NBDY: variants seen among roughly 807,000 people sequenced by gnomAD.
NBDY encodes negative regulator of P-body association, also known as P-body dissociating protein.
At chrX:56,800,970 C>T (rs959760063) in intron 2 of NBDY, among the ~76,000 whole-genome samples, 6 of 111,190 alleles carry the variant, frequency 5.4e-5, no homozygotes, top group African/African-American at 1.3e-4. Flanking sequence ...CACCCATTTC[C>T]GGGGTACTTC....
intron 2 of NBDY, among the ~76,000 whole-genome samples, chrX:56,743,505 T>C (rs1427286974): frequency 9.0e-6 from 1 of 111,122 alleles, no homozygotes; most frequent in African/African-American, 3.3e-5. Context: ...GGTTCAGTCT[T>C]GATATGTCAT....
At chrX:56,761,734 G>C (rs2069638092) in intron 2 of NBDY, among the ~76,000 whole-genome samples, 1 of 112,836 alleles carries the variant, frequency 8.9e-6, no homozygotes, top group African/African-American at 3.2e-5. Context: ...ACATATTTAG[G>C]GAGAACACGC....
intron 2 of NBDY, among the ~76,000 whole-genome samples, chrX:56,805,896 G>A (rs943212319): frequency 4.5e-5 from 5 of 110,816 alleles, no homozygotes; most frequent in African/African-American, 1.6e-4. Flanking sequence ...AGATATAGAC[G>A]TGCCATGGTG....
At chrX:56,740,150 T>G (rs2069524543) in intron 2 of NBDY, among the ~76,000 whole-genome samples, 1 of 111,775 alleles carries the variant, frequency 8.9e-6, no homozygotes. Context: ...TAAACACACT[T>G]TTTACTTACT....
At chrX:56,767,089 C>T (rs1016574752) in intron 2 of NBDY, among the ~76,000 whole-genome samples, 8 of 113,620 alleles carry the variant, frequency 7.0e-5, no homozygotes, top group Non-Finnish European at 1.3e-4. Flanking sequence ...CTTGTGTAAG[C>T]CAGCTGGGTG....
intron 2 of NBDY, among the ~76,000 whole-genome samples, chrX:56,806,210 A>G (rs756389869): frequency 8.9e-6 from 1 of 112,054 alleles, no homozygotes; most frequent in African/African-American, 3.2e-5. Flanking sequence ...TTCTTTATCC[A>G]TCTTATCATT....
At chrX:56,794,627 G>A (rs1010900150) in intron 2 of NBDY, among the ~76,000 whole-genome samples, 19 of 109,115 alleles carry the variant, frequency 1.7e-4, no homozygotes, top group Admixed American at 5.8e-4. Flanking sequence ...GCATGGTGGG[G>A]GTAGGTTGCA....
intron 2 of NBDY, among the ~76,000 whole-genome samples, chrX:56,807,273 C>T (rs964331530): frequency 8.9e-6 from 1 of 112,003 alleles, no homozygotes; most frequent in African/African-American, 3.3e-5. Context: ...GTTCTCTTTG[C>T]TTAGGATTGT....
intron 2 of NBDY, among the ~76,000 whole-genome samples, chrX:56,754,652 G>C (rs2069600640): frequency 8.9e-6 from 1 of 111,810 alleles, no homozygotes; most frequent in Admixed American, 9.5e-5. Flanking sequence ...TGAAATAAAT[G>C]AAAATGAAAA....
chrX:56,814,193 G>T (rs2069900101), intron 2 of NBDY, among the ~76,000 whole-genome samples: 1 of 110,802 alleles, frequency 9.0e-6, no homozygotes, highest in Non-Finnish European at 1.9e-5. Flanking sequence ...TGGATTCATA[G>T]TGATATCTTA....
intron 2 of NBDY, among the ~76,000 whole-genome samples, chrX:56,809,600 T>C (rs2069874533): frequency 8.9e-6 from 1 of 112,084 alleles, no homozygotes; most frequent in African/African-American, 3.2e-5. Flanking sequence ...TGGCTTTCCA[T>C]TTGCTTGGTA....
At chrX:56,730,428 T>G (rs1194910063) in intron 1 of NBDY, among the ~76,000 whole-genome samples, 2 of 99,617 alleles carry the variant, frequency 2.0e-5, no homozygotes, top group Non-Finnish European at 4.0e-5. Context: ...GGACAATCAT[T>G]TGAACCTGGA....
At chrX:56,794,338 GTCT>G (rs746636160) in intron 2 of NBDY, among the ~76,000 whole-genome samples, 2 of 112,132 alleles carry the variant, frequency 1.8e-5, no homozygotes, top group Non-Finnish European at 3.8e-5. Flanking sequence ...TGGCAGTCAT[GTCT>G]TCTTCTTCCC....
intron 2 of NBDY, 88 bp downstream of exon 2, chrX:56,732,287 A>C: frequency 3.5e-6 from 1 of 288,552 alleles, no homozygotes; most frequent in Non-Finnish European, 6.1e-6. Flanking sequence ...AACAAAACTC[A>C]AAAAGATAGC....
chrX:56,742,279 G>A (rs1028167733), intron 2 of NBDY, among the ~76,000 whole-genome samples: 4 of 111,599 alleles, frequency 3.6e-5, no homozygotes, highest in Admixed American at 1.9e-4. Flanking sequence ...CTCCAGTTTT[G>A]TTCTTTTTGC....
rs368899246 is a variant in NBDY, at chrX:56,764,888, C to T, written c.*166+32689C>T. Reference sequence around the variant, plus strand: ...TGTGCCCACGCGGTGCAGACCCGGGCTTGAGGGGCTGATGCTTTCTCCTGG... The same window carrying T: ...TGTGCCCACGCGGTGCAGACCCGGGTTTGAGGGGCTGATGCTTTCTCCTGG... On this transcript the variant is annotated intron_variant, in intron 2 of 2. Coordinates refer to ENST00000374922, the MANE Select transcript of NBDY (RefSeq NM_001348129.2). Among the ~76,000 whole-genome samples, 10 of 111,104 alleles carry T rather than the reference C, an allele frequency of 9.0e-5. No individual in the cohort carries two copies. In the East Asian group the frequency reaches 2.9e-3, roughly 32 times the overall value.
chrX:56,761,004 GCCT>G (rs1016088583), intron 2 of NBDY, among the ~76,000 whole-genome samples: 2 of 111,969 alleles, frequency 1.8e-5, no homozygotes, highest in Non-Finnish European at 3.8e-5. Flanking sequence ...ATCTGCATAG[GCCT>G]CCTAAGAAGG....
At chrX:56,767,604 C>A (rs375727657) in intron 2 of NBDY, among the ~76,000 whole-genome samples, 1 of 113,568 alleles carries the variant, frequency 8.8e-6, no homozygotes. Flanking sequence ...TTGGACCTGC[C>A]TGCCCAGGGC....
chrX:56,738,269 CTGAT>C (rs2069507957), intron 2 of NBDY, among the ~76,000 whole-genome samples: 1 of 112,308 alleles, frequency 8.9e-6, no homozygotes, highest in South Asian at 3.7e-4. Context: ...ACTTCTGACA[CTGAT>C]TGTGTGGAAA....
Sources: gnomAD v4.1 joint callset for allele counts (sites outside exome capture counted in the v4.1 genomes callset) on GRCh38, gnomAD v4.1.1 for gene constraint, MANE v1.5 for transcripts, NCBI Gene and HGNC (gene_info 2026-07-23, HGNC 2026-07-21) for gene names.